ZC3H12D: variants seen among roughly 807,000 people sequenced by gnomAD.
ZC3H12D encodes zinc finger CCCH-type containing 12D.
A neutral mutation model predicts 24.2 loss-of-function variants in ZC3H12D; 11 were observed. That is an observed-to-expected ratio of 0.46 (90% CI 0.29 to 0.75). The LOEUF (loss-of-function observed/expected upper bound fraction) is 0.75. Ranked by LOEUF, ZC3H12D falls within the 30% of genes least tolerant of loss-of-function variation. The pLI is 0.11. For synonymous variants in ZC3H12D, 333 were observed against 341.8 expected, an observed-to-expected ratio of 0.97 and a Z score of 0.28; for missense variants, 740 against 767.7, an observed-to-expected ratio of 0.96 and a Z score of 0.43.
chr6:149,465,764 AAAGG>A (rs1776149687), intron 2 of ZC3H12D, among the ~76,000 whole-genome samples: 1 of 118,974 alleles, frequency 8.4e-6, no homozygotes. Flanking sequence ...CAAAAAAAAA[AAAGG>A]GGGGGGGAAG....
chr6:149,458,124 G>GTTTT (rs1562472740), intron 3 of ZC3H12D, among the ~76,000 whole-genome samples: 31 of 37,552 alleles, frequency 8.3e-4, no homozygotes, highest in African/African-American at 2.2e-3. Context: ...TTTTTTTTTC[G>GTTTT]TTTCTTTTTT....
intron 3 of ZC3H12D, 117 bp from the exon 4 acceptor site, chr6:149,457,017 G>A (rs1006568886): frequency 4.9e-6 from 5 of 1,017,730 alleles, no homozygotes; most frequent in Non-Finnish European, 7.0e-6. Context: ...TGAGGGGAGC[G>A]GGGAAAAAAC....
At chr6:149,473,601 C>A (rs1185375610) in intron 2 of ZC3H12D, among the ~76,000 whole-genome samples, 1 of 152,178 alleles carries the variant, frequency 6.6e-6, no homozygotes, top group Non-Finnish European at 1.5e-5. Context: ...TGCCAACACA[C>A]AAATGTTCAC....
chr6:149,451,503 G>A, intron 5 of ZC3H12D, 24 bp from the exon 6 acceptor site: 1 of 1,547,748 alleles, frequency 6.5e-7, no homozygotes, highest in Non-Finnish European at 8.6e-7. Context: ...GGGCAGAGAG[G>A]GCGCGACGTG....
intron 1 of ZC3H12D, among the ~76,000 whole-genome samples, chr6:149,475,541 C>A (rs1425903185): frequency 6.6e-6 from 1 of 152,034 alleles, no homozygotes; most frequent in Admixed American, 6.5e-5. Flanking sequence ...CATGGTGAAA[C>A]CCCGTCTCTA....
rs762827737 is a variant in ZC3H12D, at chr6:149,451,067, C to G, written c.1200G>C (p.Pro400=). 7.1e-7 allele frequency: 1 copy of G among 1,400,810 alleles called. No individual in the cohort carries two copies. Among genetic ancestry groups the G allele is most frequent in the Non-Finnish European group, 9.2e-7 (1 of 1,083,118 alleles). 86.8% of individuals were successfully genotyped at this position (1,400,810 alleles called of 1,614,324 possible). A position where few individuals can be genotyped will look rare whatever the true frequency, so the allele number is the denominator to read the frequency against. ...GGCCGGGCGGAGGCGGGAGGTCGCC[C>G]GGGGAGAACTGGCTCTCCGGGCTAG... The part of the protein sequence containing the change: ...SLPSPESQFS[P]GDLPPPPGLQ... The change falls in exon 6 of 6, where the codon CCG becomes CCC. Residue 400 remains proline (P), a synonymous_variant. Transcript: ENST00000409806.
At chr6:149,462,582 G>C (rs1233700726) in intron 2 of ZC3H12D, among the ~76,000 whole-genome samples, 1 of 152,160 alleles carries the variant, frequency 6.6e-6, no homozygotes, top group Non-Finnish European at 1.5e-5. Flanking sequence ...ATTGTTCCTG[G>C]GTGTGTCTGT....
At chr6:149,466,517 T>C (rs1472613501) in intron 2 of ZC3H12D, among the ~76,000 whole-genome samples, 2 of 151,834 alleles carry the variant, frequency 1.3e-5, no homozygotes, top group Non-Finnish European at 2.9e-5. Context: ...CATGCATCTC[T>C]TCAATGTAGT....
At chr6:149,476,588 G>A (rs552489228) in intron 1 of ZC3H12D, among the ~76,000 whole-genome samples, 3 of 152,038 alleles carry the variant, frequency 2.0e-5, no homozygotes, top group East Asian at 3.9e-4. Context: ...CAGGCGTATC[G>A]CTTTAGCCTA....
At chr6:149,453,221 G>A (rs1775929063) in intron 4 of ZC3H12D, among the ~76,000 whole-genome samples, 1 of 151,448 alleles carries the variant, frequency 6.6e-6, no homozygotes, top group Non-Finnish European at 1.5e-5. Context: ...GGATGGCTGA[G>A]CCTGGGAGAT....
intron 1 of ZC3H12D, among the ~76,000 whole-genome samples, chr6:149,482,103 A>G (rs1024303194): frequency 6.6e-6 from 1 of 152,246 alleles, no homozygotes; most frequent in Non-Finnish European, 1.5e-5. Flanking sequence ...TTCTGAGGAG[A>G]CTGAAAGGGG....
Position 149,448,430 on chromosome 6 carries a change from C to G in ZC3H12D, c.*2253G>C, listed in dbSNP as rs184095009. 6.6e-6 allele frequency: 1 copy of G among 152,156 alleles called. No homozygotes were observed. The highest frequency in any genetic ancestry group is 2.4e-5 in the African/African-American group (1 of 41,418). The allele number at this position is 152,156 out of a possible 1,614,324, so 9.4% of individuals were successfully genotyped here. On this transcript the variant is annotated 3_prime_UTR_variant, in exon 6 of 6. Transcript: ENST00000409806. ...CGTGGTGGCACAACTGTAGTCCCAG[C>G]TACTCAGGAGGCTGAGGCACAAGGA... is the stretch of plus-strand genomic sequence containing the variant.
At chr6:149,465,902 G>C (rs957909710) in intron 2 of ZC3H12D, among the ~76,000 whole-genome samples, 2 of 131,790 alleles carry the variant, frequency 1.5e-5, no homozygotes, top group Non-Finnish European at 3.1e-5. Flanking sequence ...ATAGGGGAGG[G>C]GGAGATGGAG....
At position 149,452,466 on chromosome 6, in the gene ZC3H12D, A is replaced by G. The variant is rs1775917324; in HGVS notation, c.787+150T>C. On this transcript the variant is annotated intron_variant, in intron 5 of 5. Transcript: ENST00000409806. The surrounding 1 kb of genome is among the most constrained non-coding windows in gnomAD (Gnocchi z 4.0). ...AGTTCTACAATAACCCTGTCAGGAA[A>G]GTTAACTCTCCAGGTAGCACAGCTG... 2 of 576,210 alleles carry G rather than the reference A, an allele frequency of 3.5e-6. No homozygotes were observed. The highest frequency in any genetic ancestry group is 5.7e-6 in the Non-Finnish European group (2 of 350,916). The allele number at this position is 576,210 out of a possible 1,614,324, so 35.7% of individuals were successfully genotyped here.
At chr6:149,468,304 A>G (rs1488133593) in intron 2 of ZC3H12D, among the ~76,000 whole-genome samples, 4 of 152,184 alleles carry the variant, frequency 2.6e-5, no homozygotes, top group Admixed American at 2.6e-4. Flanking sequence ...TTGAATAACC[A>G]AAGGTACAAA....
chr6:149,465,904 G>C (rs1434687952), intron 2 of ZC3H12D, among the ~76,000 whole-genome samples: 1 of 128,252 alleles, frequency 7.8e-6, no homozygotes, highest in Non-Finnish European at 1.6e-5. Context: ...AGGGGAGGGG[G>C]AGATGGAGAA....
chr6:149,474,684 G>A (rs576060058), intron 1 of ZC3H12D, 71 bp from the exon 2 acceptor site: 16 of 721,298 alleles, frequency 2.2e-5, no homozygotes, highest in East Asian at 3.2e-5. Flanking sequence ...GTGTGCCTGC[G>A]CTGGCTCCCT....
intron 2 of ZC3H12D, among the ~76,000 whole-genome samples, chr6:149,470,161 C>T (rs1776222572): frequency 2.0e-5 from 3 of 152,092 alleles, no homozygotes; most frequent in Admixed American, 6.6e-5. Context: ...GAGTTCAAGA[C>T]CAGCCTGGCC....
chr6:149,466,681 G>A (rs1776168217), intron 2 of ZC3H12D, among the ~76,000 whole-genome samples: 1 of 152,090 alleles, frequency 6.6e-6, no homozygotes, highest in Admixed American at 6.6e-5. Context: ...TTCGAGACCA[G>A]CCTAACCAAC....
Sources: allele counts gnomAD v4.1 joint callset (sites outside exome capture counted in the v4.1 genomes callset), GRCh38; gene constraint gnomAD v4.1.1; non-coding constraint Gnocchi (gnomAD v3.1); transcripts MANE v1.5; gene names NCBI Gene and HGNC (gene_info 2026-07-23, HGNC 2026-07-21).